Variants in MKNK1 observed in about 807,000 individuals in gnomAD.
The protein encoded by MKNK1 is MAPK interacting serine/threonine kinase 1.
MKNK1 carries 30 observed loss-of-function variants against 49.3 expected under a neutral mutation model. The observed-to-expected ratio is 0.61, with a 90% CI of 0.46 to 0.83. MKNK1 has a LOEUF of 0.83. Among genes scored for constraint, MKNK1 ranks in the 40% least tolerant of loss-of-function variants. The pLI is 0.00. For missense variants in MKNK1, 423 were observed against 524.7 expected (o/e 0.81, Z 1.89); for synonymous variants, 176 against 201.7 (o/e 0.87, Z 1.08).
chr1:46,572,256 C>A, intron 6 of MKNK1, 89 bp from the exon 7 acceptor site: 1 of 1,112,804 alleles, frequency 9.0e-7, no homozygotes, highest in East Asian at 2.7e-5. Flanking sequence ...CTCTGTTACC[C>A]AGGCTGGAGA....
chr1:46,587,474 A>T (rs1205016204), intron 2 of MKNK1, among the ~76,000 whole-genome samples: 1 of 152,158 alleles, frequency 6.6e-6, no homozygotes, highest in African/African-American at 2.4e-5. Context: ...CTCATCTATC[A>T]AATAGGTTTA....
rs188561176 is a variant in MKNK1, at chr1:46,577,751, A to C, written c.199-1097T>G. Among the ~76,000 whole-genome samples, 881 of 152,302 alleles carry C rather than the reference A, an allele frequency of 5.8e-3. 12 individuals are homozygous for C. Among genetic ancestry groups the C allele is most frequent in the Middle Eastern group, 0.041 (12 of 294 alleles). On this transcript the variant is annotated intron_variant, in intron 4 of 12. Transcript: ENST00000371945. ...CAAATGCTGACTGAAGGAACAGATA[A>C]GCCAACAGATGGGAGGGTGGTTTCC... is the stretch of plus-strand genomic sequence containing the variant.
In MKNK1 at chr1:46,572,187, T is replaced by C. The variant is rs374171715; in HGVS notation, c.353-20A>G. On this transcript the variant is annotated intron_variant, in intron 6 of 12. Coordinates refer to ENST00000371945, the MANE Select transcript of MKNK1 (RefSeq NM_001135553.4). ...TGGAACCTGGGGAGCAGAGGGGACATAGAAGAATGCCTTTTTGGGCTCTAG... is the reference window on the plus strand; with the variant it reads ...TGGAACCTGGGGAGCAGAGGGGACACAGAAGAATGCCTTTTTGGGCTCTAG... 11 of 1,605,116 alleles carry C rather than the reference T, an allele frequency of 6.9e-6. 1 individual carries two copies. Among genetic ancestry groups the C allele is most frequent in the Middle Eastern group, 3.3e-4 (2 of 6,040 alleles).
chr1:46,603,452 A>G (rs1675004779), intron 1 of MKNK1, among the ~76,000 whole-genome samples: 1 of 152,220 alleles, frequency 6.6e-6, no homozygotes, highest in Non-Finnish European at 1.5e-5. Context: ...CACCCATTAC[A>G]TGACAGGCGC....
intron 4 of MKNK1, among the ~76,000 whole-genome samples, chr1:46,579,646 G>A (rs1671463536): frequency 1.3e-5 from 2 of 152,176 alleles, no homozygotes; most frequent in Admixed American, 1.3e-4. Flanking sequence ...GGTAGGGCCA[G>A]GTAGCTTCTA....
chr1:46,590,968 GT>G (rs1182394532), intron 2 of MKNK1, among the ~76,000 whole-genome samples: 3 of 152,164 alleles, frequency 2.0e-5, no homozygotes, highest in Non-Finnish European at 4.4e-5. Flanking sequence ...TGTATTTTGT[GT>G]TTTGTCATCT....
At chr1:46,573,078 A>G (rs1053981808) in intron 6 of MKNK1, among the ~76,000 whole-genome samples, 2 of 152,224 alleles carry the variant, frequency 1.3e-5, no homozygotes, top group African/African-American at 2.4e-5. Context: ...ATTGGACAAA[A>G]TGGGTAGTAC....
intron 12 of MKNK1, 106 bp downstream of exon 12, chr1:46,560,128 T>C (rs112274841): frequency 2.3e-6 from 3 of 1,297,686 alleles, no homozygotes; most frequent in East Asian, 2.3e-5. Context: ...GGGAGCCCCT[T>C]TGGAGAAAGC....
chr1:46,585,788 C>T (rs770921583), intron 2 of MKNK1: 20 of 682,996 alleles, frequency 2.9e-5, no homozygotes, highest in Non-Finnish European at 4.3e-5. Context: ...CTGAGGGAGC[C>T]GCTTGCACGA....
intron 10 of MKNK1, 113 bp downstream of exon 10, chr1:46,562,536 T>A: frequency 8.2e-7 from 1 of 1,213,564 alleles, no homozygotes; most frequent in Non-Finnish European, 1.1e-6. Context: ...GAGAGGGCAC[T>A]ATGAGCCCCC....
intron 10 of MKNK1, among the ~76,000 whole-genome samples, chr1:46,562,256 G>T (rs1485964178): frequency 2.0e-5 from 3 of 151,974 alleles, no homozygotes; most frequent in Non-Finnish European, 2.9e-5. Flanking sequence ...TTAGCCAGAC[G>T]TGGTGGCCGG....
chr1:46,600,837 TAAC>T (rs1297422458), intron 1 of MKNK1, among the ~76,000 whole-genome samples: 2 of 152,146 alleles, frequency 1.3e-5, no homozygotes, highest in East Asian at 1.9e-4. Flanking sequence ...GATGTTGTAT[TAAC>T]AACGTAGTAG....
chr1:46,577,745 C>T (rs756267034), intron 4 of MKNK1, among the ~76,000 whole-genome samples: 11 of 152,230 alleles, frequency 7.2e-5, no homozygotes, highest in Non-Finnish European at 1.0e-4. Flanking sequence ...ACTGAAGGAA[C>T]AGATAAGCCA....
At chr1:46,586,656 G>A (rs1249150120) in intron 2 of MKNK1, among the ~76,000 whole-genome samples, 1 of 141,386 alleles carries the variant, frequency 7.1e-6, no homozygotes, top group Non-Finnish European at 1.6e-5. Flanking sequence ...GGTACCCAGT[G>A]CACATCCTGA....
intron 4 of MKNK1, among the ~76,000 whole-genome samples, chr1:46,578,197 T>C (rs139642658): frequency 4.3e-4 from 66 of 152,330 alleles, no homozygotes; most frequent in African/African-American, 1.4e-3. Flanking sequence ...GAGCAGAACA[T>C]GGACAACTAT....
chr1:46,568,846 A>G, intron 7 of MKNK1: 1 of 223,886 alleles, frequency 4.5e-6, no homozygotes, highest in East Asian at 1.2e-4. Context: ...TGGAACAGCA[A>G]TGCAGAAATA....
intron 4 of MKNK1, among the ~76,000 whole-genome samples, chr1:46,579,763 C>T (rs1671478621): frequency 6.6e-6 from 1 of 152,162 alleles, no homozygotes; most frequent in African/African-American, 2.4e-5. Context: ...CAAGTGGAGG[C>T]ACAGAGGGGT....
In MKNK1 at chr1:46,594,102, C is replaced by T. The variant is rs1673731006; in HGVS notation, c.-3+11G>A. The T allele has an allele frequency of 2.5e-6, 4 of 1,589,154 alleles. No homozygotes were observed. Among genetic ancestry groups the T allele is most frequent in the South Asian group, 1.1e-5 (1 of 90,514 alleles). The stretch of plus-strand genomic sequence containing the variant: ...TCTAAAAGGATAACTAAAATGTACA[C>T]CCAATCTTACCTATAGGTTTTTCCA... On this transcript the variant is annotated intron_variant, in intron 2 of 12. Coordinates refer to ENST00000371945, the MANE Select transcript of MKNK1 (RefSeq NM_001135553.4).
intron 2 of MKNK1, among the ~76,000 whole-genome samples, chr1:46,590,328 G>A (rs987953277): frequency 7.2e-5 from 11 of 152,240 alleles, no homozygotes; most frequent in Middle Eastern, 3.4e-3. Context: ...AGTAGTAGCC[G>A]GAGCAGTATT....
Sources: gnomAD v4.1 joint callset for allele counts (sites outside exome capture counted in the v4.1 genomes callset) on GRCh38, gnomAD v4.1.1 for gene constraint, MANE v1.5 for transcripts, NCBI Gene and HGNC (gene_info 2026-07-23, HGNC 2026-07-21) for gene names.